PTH2R: variants seen among roughly 807,000 people sequenced by gnomAD.
PTH2R encodes the protein PTH2 receptor.
Under a neutral mutation model 60.3 loss-of-function variants are expected in PTH2R, and 59 were observed. The observed-to-expected ratio is 0.98, with a 90% CI of 0.79 to 1.22. The LOEUF is 1.22. PTH2R is among the 50% of genes most tolerant of loss of function. The pLI, the probability that PTH2R is intolerant of heterozygous loss-of-function variation, is 0.00. For synonymous variants in PTH2R, 256 were observed against 243.8 expected (o/e 1.05, Z -0.47); for missense variants, 749 against 682.6 (o/e 1.10, Z -1.08).
chr2:208,467,779 G>T (rs1031626179), intron 9 of PTH2R, among the ~76,000 whole-genome samples: 8 of 152,092 alleles, frequency 5.3e-5, no homozygotes, highest in African/African-American at 1.9e-4. Flanking sequence ...CAAAAAGATG[G>T]TTCCTAGGTC....
intron 1 of PTH2R, among the ~76,000 whole-genome samples, chr2:208,379,612 C>A (rs901732197): frequency 4.2e-5 from 6 of 144,368 alleles, no homozygotes; most frequent in Admixed American, 2.2e-4. Flanking sequence ...GTAATCCTAG[C>A]ACTTTCGGAG....
intron 9 of PTH2R, among the ~76,000 whole-genome samples, chr2:208,460,262 GA>G (rs1385735320): frequency 1.3e-5 from 2 of 152,074 alleles, no homozygotes; most frequent in Non-Finnish European, 2.9e-5. Flanking sequence ...TTTCATCCAC[GA>G]TATTATTTTA....
chr2:208,493,410 C>A lies in PTH2R; in HGVS notation c.1404C>A (p.Ser468Arg). The A allele has an allele frequency of 1.2e-6, 2 of 1,610,496 alleles. No homozygotes were observed. Among genetic ancestry groups the A allele is most frequent in the Non-Finnish European group, 1.7e-6 (2 of 1,177,672 alleles). The change falls in exon 13 of 13, where the codon AGC becomes AGA. Residue 468 changes from serine (S) to arginine (R), a missense_variant. Ser to Arg is a moderately radical substitution (Grantham distance 110, BLOSUM62 -1). Coordinates refer to ENST00000272847, the MANE Select transcript of PTH2R (RefSeq NM_005048.4). ...STSSQSQVAA[S>R]TRMVLISGKA... is the part of the protein sequence containing the mutation. ...GCAGCCAGTCACAGGTGGCGGCCAG[C>A]ACACGCATGGTGCTTATCTCTGGCA...
At chr2:208,366,879 T>C (rs762748008) in intron 1 of PTH2R, among the ~76,000 whole-genome samples, 1 of 152,218 alleles carries the variant, frequency 6.6e-6, no homozygotes, top group Non-Finnish European at 1.5e-5. Flanking sequence ...GCCAATCAAA[T>C]GTAGCCAACT....
At chr2:208,403,201 T>A (rs1701341923), upstream of PTH2R, among the ~76,000 whole-genome samples, 1 of 152,254 alleles carries the variant, frequency 6.6e-6, no homozygotes, top group Non-Finnish European at 1.5e-5. Flanking sequence ...TGATATTGGC[T>A]AGTTCAGTCA....
chr2:208,488,886 A>G, intron 10 of PTH2R, 126 bp from the exon 11 acceptor site: 1 of 958,932 alleles, frequency 1.0e-6, no homozygotes, highest in Non-Finnish European at 1.5e-6. Context: ...GTCTCAAGAA[A>G]AGATAAAAAG....
intron 8 of PTH2R, among the ~76,000 whole-genome samples, chr2:208,454,819 T>A (rs552091668): frequency 6.6e-6 from 1 of 152,352 alleles, no homozygotes; most frequent in East Asian, 1.9e-4. Flanking sequence ...CTGGGAACTT[T>A]ATTTAAGCCA....
At chr2:208,483,687 T>A (rs1470927) in intron 10 of PTH2R, among the ~76,000 whole-genome samples, 89,559 of 152,014 alleles carry the variant, frequency 0.59, 28,319 homozygotes, top group Non-Finnish European at 0.69. Context: ...ATTTCAAGTA[T>A]GAAATTGTTA....
At chr2:208,405,057 A>G (rs2105827914), upstream of PTH2R, among the ~76,000 whole-genome samples, 2 of 152,266 alleles carry the variant, frequency 1.3e-5, no homozygotes, top group South Asian at 4.2e-4. Context: ...TAAAGTTGTG[A>G]TTTCAGAGGC....
rs757249498 is a variant in PTH2R at position 208,443,535 on chromosome 2, T to C, written c.697T>C (p.Tyr233His). 62 of 1,593,548 alleles carry C rather than the reference T, an allele frequency of 3.9e-5. No individual in the cohort carries two copies. Among genetic ancestry groups the C allele is most frequent in the Non-Finnish European group, 5.0e-5 (59 of 1,171,984 alleles). ...GGCAACTTCTGTGGACAAATCACAA[T>C]ATGTAAGTGTTTTCACCATTTTCTC... ...IEATSVDKSQ[Y>H]IGCKIAVVMF... is the part of the protein sequence containing the mutation. The change falls in exon 6 of 13, where the codon TAT (tyrosine) becomes CAT (histidine). Residue 233 changes from tyrosine (Y) to histidine (H), a missense_variant and splice_region_variant. Transcript: ENST00000272847.
intron 1 of PTH2R, among the ~76,000 whole-genome samples, chr2:208,400,538 G>T (rs973206509): frequency 2.6e-5 from 4 of 152,144 alleles, no homozygotes; most frequent in Non-Finnish European, 5.9e-5. Flanking sequence ...GCAACATCCG[G>T]ATCACTAAGG....
chr2:208,477,973 CTACTAGCACTACTACTAG>C (rs1304442037), intron 9 of PTH2R, among the ~76,000 whole-genome samples: 28 of 24,592 alleles, frequency 1.1e-3, no homozygotes, highest in African/African-American at 2.2e-3. Flanking sequence ...AGTACTAGTA[CTACTAGCACTACTACTAG>C]TACTAGTACT....
At chr2:208,378,223 A>C (rs577549488) in intron 1 of PTH2R, among the ~76,000 whole-genome samples, 25 of 150,716 alleles carry the variant, frequency 1.7e-4, no homozygotes, top group Non-Finnish European at 2.4e-4. Flanking sequence ...AAATACGAAA[A>C]CCAGTCAGGC....
chr2:208,372,889 A>G (rs1700726978), intron 1 of PTH2R, among the ~76,000 whole-genome samples: 1 of 152,028 alleles, frequency 6.6e-6, no homozygotes, highest in East Asian at 1.9e-4. Context: ...GTTCAAAACC[A>G]GTCTGGGCAA....
chr2:208,365,287 G>A (rs546634471), intron 1 of PTH2R, among the ~76,000 whole-genome samples: 24 of 152,250 alleles, frequency 1.6e-4, no homozygotes, highest in African/African-American at 4.8e-4. Context: ...TGAGTATGCC[G>A]TTAGCTGTGG....
intron 2 of PTH2R, among the ~76,000 whole-genome samples, chr2:208,430,022 C>T (rs1701938376): frequency 1.3e-5 from 2 of 152,186 alleles, no homozygotes. Context: ...TTCCAACTCT[C>T]TTTTGGATTG....
rs1435544623 is a variant in PTH2R at position 208,428,268 on chromosome 2, G to C, written c.143G>C (p.Cys48Ser). 6.2e-7 allele frequency: 1 copy of C among 1,613,334 alleles called. No homozygotes were observed. Among genetic ancestry groups the C allele is most frequent in the African/African-American group, 1.3e-5 (1 of 74,934 alleles). Residue 48 changes from cysteine (C) to serine (S), a missense_variant, in exon 2 of 13, where the codon TGT becomes TCT. By Grantham distance (112) the Cys-to-Ser change is moderately radical. Transcript: ENST00000272847. Reference protein sequence around the residue: ...IVLVLKAKVQCELNITAQLQE... With the variant: ...IVLVLKAKVQSELNITAQLQE... Reference sequence around the variant, plus strand: ...CTTGTGCTGAAAGCGAAAGTACAATGTGAACTCAACATCACAGCTCAACTC... The same window carrying C: ...CTTGTGCTGAAAGCGAAAGTACAATCTGAACTCAACATCACAGCTCAACTC...
intron 1 of PTH2R, 68 bp downstream of exon 1, chr2:208,407,186 C>G (rs906856424): frequency 1.5e-6 from 2 of 1,326,798 alleles, no homozygotes; most frequent in African/African-American, 1.5e-5. Context: ...TTTAGCGACA[C>G]GGAGGCCAGG....
intron 9 of PTH2R, among the ~76,000 whole-genome samples, chr2:208,473,245 C>T (rs1044646821): frequency 1.3e-5 from 2 of 152,146 alleles, no homozygotes; most frequent in Non-Finnish European, 2.9e-5. Context: ...GATAACATTT[C>T]ATAAGGCTTT....
Sources: allele counts gnomAD v4.1 joint callset (sites outside exome capture counted in the v4.1 genomes callset), GRCh38; gene constraint gnomAD v4.1.1; transcripts MANE v1.5; gene names NCBI Gene and HGNC (gene_info 2026-07-23, HGNC 2026-07-21).